The following SNX25 variants were observed in gnomAD, a reference collection of about 807,000 sequenced individuals.
SNX25 encodes sorting nexin-25.
In SNX25, 62 loss-of-function variants were observed where a neutral mutation model predicts 113.7. That is an observed-to-expected ratio of 0.55 (90% CI 0.44 to 0.67). SNX25 has a LOEUF of 0.67. Ranked by LOEUF, SNX25 falls within the 30% of genes least tolerant of loss-of-function variation. The pLI, the probability that SNX25 is intolerant of heterozygous loss-of-function variation, is 0.00. For missense variants in SNX25, 1,014 were observed against 1,161.0 expected (o/e 0.87, Z 1.84); for synonymous variants, 421 against 436.2 (o/e 0.97, Z 0.43).
At chr4:185,362,305 GATA>G in intron 17 of SNX25, 200 bp downstream of exon 17, 3 of 985,388 alleles carry the variant, frequency 3.0e-6, no homozygotes, top group Non-Finnish European at 3.6e-6. Context: ...TTTTAGAACA[GATA>G]ATAAACTTTG....
intron 7 of SNX25, among the ~76,000 whole-genome samples, chr4:185,319,193 C>CTTTTT (rs143650995): frequency 4.7e-5 from 4 of 85,948 alleles, no homozygotes; most frequent in African/African-American, 1.2e-4. Context: ...TGAGAAAGTC[C>CTTTTT]TTTTTTTTTT....
At chr4:185,233,650 C>T (rs1579391624) in intron 1 of SNX25, among the ~76,000 whole-genome samples, 2 of 152,198 alleles carry the variant, frequency 1.3e-5, no homozygotes, top group Middle Eastern at 6.8e-3. Context: ...AGTCAAACTG[C>T]TATCTGCCTG....
At chr4:185,255,047 T>A (rs1746207859) in intron 2 of SNX25, among the ~76,000 whole-genome samples, 1 of 152,178 alleles carries the variant, frequency 6.6e-6, no homozygotes, top group Non-Finnish European at 1.5e-5. Context: ...GTAGGGTATG[T>A]TTTAAAGTAT....
At chr4:185,323,473 T>C (rs2095135260) in intron 8 of SNX25, 55 bp from the exon 9 acceptor site, 2 of 1,501,140 alleles carry the variant, frequency 1.3e-6, no homozygotes, top group Admixed American at 2.1e-5. Flanking sequence ...CAGAGAAAAA[T>C]AATTTCTCTC....
At chr4:185,318,119 G>T (rs760091495) in intron 7 of SNX25, among the ~76,000 whole-genome samples, 1 of 152,168 alleles carries the variant, frequency 6.6e-6, no homozygotes. Context: ...GGTGTCAGAA[G>T]AGTTGAGTGT....
intron 5 of SNX25, among the ~76,000 whole-genome samples, chr4:185,282,058 G>A (rs904280771): frequency 1.3e-5 from 2 of 152,064 alleles, no homozygotes; most frequent in African/African-American, 4.8e-5. Context: ...TTTTTCATAA[G>A]CACTCGTAAT....
At chr4:185,214,394 CA>C (rs60179052) in intron 1 of SNX25, among the ~76,000 whole-genome samples, 18,330 of 122,086 alleles carry the variant, frequency 0.15, 1,296 homozygotes, top group African/African-American at 0.24. Context: ...CCATCTCTAC[CA>C]AAAAAAAAAA....
At chr4:185,321,652 A>T (rs932999055) in intron 8 of SNX25, among the ~76,000 whole-genome samples, 1 of 152,182 alleles carries the variant, frequency 6.6e-6, no homozygotes, top group Non-Finnish European at 1.5e-5. Context: ...AATCAGCATC[A>T]TGCTTTGCAT....
chr4:185,300,282 C>T (rs1320951105), intron 6 of SNX25, among the ~76,000 whole-genome samples: 1 of 151,770 alleles, frequency 6.6e-6, no homozygotes, highest in Non-Finnish European at 1.5e-5. Flanking sequence ...CCTCATTCTT[C>T]CAAGTAGCTG....
downstream of SNX25, among the ~76,000 whole-genome samples, chr4:185,367,913 C>T (rs762237253): frequency 3.1e-4 from 47 of 152,324 alleles, no homozygotes; most frequent in Admixed American, 8.5e-4. Flanking sequence ...GGCGCGGTAG[C>T]TCACACCTGT....
the SNX25 span, chr4:185,378,003 C>T: frequency 8.6e-7 from 1 of 1,157,736 alleles, no homozygotes; most frequent in Middle Eastern, 2.3e-4. Flanking sequence ...CACATTATTT[C>T]TTGTCTCGTT....
At chr4:185,351,788 G>A (rs1417871839) in intron 14 of SNX25, among the ~76,000 whole-genome samples, 179 bp downstream of exon 14, 2 of 152,180 alleles carry the variant, frequency 1.3e-5, no homozygotes, top group African/African-American at 4.8e-5. Context: ...GGAGGACAGA[G>A]TGGTTTTACC....
intron 12 of SNX25, among the ~76,000 whole-genome samples, chr4:185,345,272 A>T (rs1476179977): frequency 1.3e-5 from 2 of 152,196 alleles, no homozygotes; most frequent in Admixed American, 1.3e-4. Flanking sequence ...GACAGCTGTG[A>T]CAGGAAGTAC....
rs1320218401 is a variant in SNX25 at position 185,247,100 on chromosome 4, G to GA, written c.430-190dup. Among the ~76,000 whole-genome samples, 3 of 152,068 alleles carry GA rather than the reference G, an allele frequency of 2.0e-5. No individual in the cohort carries two copies. In the East Asian group the frequency reaches 5.8e-4, roughly 29 times the overall value. On this transcript the variant is annotated intron_variant, in intron 1 of 18. Transcript: ENST00000652585. ...TTATACTGTTTTGATATCTGGTAGG[G>GA]AAAATCCTTCCTTAATTTTTTTTCC...
At chr4:185,324,773 G>T (rs1218918718) in intron 9 of SNX25, among the ~76,000 whole-genome samples, 3 of 152,140 alleles carry the variant, frequency 2.0e-5, no homozygotes, top group Non-Finnish European at 4.4e-5. Context: ...GGATGGCGAT[G>T]CTCCTGCTCT....
chr4:185,214,969 G>A (rs568630438), intron 1 of SNX25, among the ~76,000 whole-genome samples: 264 of 152,270 alleles, frequency 1.7e-3, no homozygotes, highest in African/African-American at 5.4e-3. Context: ...GGTGTCTCAC[G>A]CCTGTAATCC....
At chr4:185,218,273 C>T (rs1028398742) in intron 1 of SNX25, among the ~76,000 whole-genome samples, 2 of 152,144 alleles carry the variant, frequency 1.3e-5, no homozygotes, top group African/African-American at 4.8e-5. Context: ...TTAGTAGAGA[C>T]GGGGTTTTGC....
intron 6 of SNX25, among the ~76,000 whole-genome samples, chr4:185,297,724 A>G (rs556999868): frequency 6.6e-6 from 1 of 152,156 alleles, no homozygotes; most frequent in African/African-American, 2.4e-5. Context: ...CTATATCCTC[A>G]CGTGGTAGGG....
intron 9 of SNX25, among the ~76,000 whole-genome samples, chr4:185,329,232 T>C (rs961057136): frequency 6.6e-6 from 1 of 152,130 alleles, no homozygotes; most frequent in Non-Finnish European, 1.5e-5. Flanking sequence ...TAATTTATAT[T>C]GGGGCCAGGC....
Sources: allele counts gnomAD v4.1 joint callset (sites outside exome capture counted in the v4.1 genomes callset), GRCh38; gene constraint gnomAD v4.1.1; transcripts MANE v1.5; gene names NCBI Gene and HGNC (gene_info 2026-07-23, HGNC 2026-07-21).